The following C16orf74 variants were observed in gnomAD, a reference collection of about 807,000 sequenced individuals.
C16orf74 encodes uncharacterized protein C16orf74.
A neutral mutation model predicts 6.5 loss-of-function variants in C16orf74; 10 were observed. The observed-to-expected ratio is 1.54, with a 90% CI of 0.95 to 2.61. The LOEUF (loss-of-function observed/expected upper bound fraction) is 2.61. Among genes scored for constraint, C16orf74 ranks in the 30% most tolerant of loss-of-function variants. The probability of loss-of-function intolerance (pLI) is 0.00; values close to 1 mark genes in which losing one functional copy is unlikely to be tolerated. For missense variants in C16orf74, 141 were observed against 105.9 expected, an observed-to-expected ratio of 1.33 and a Z score of -1.45; for synonymous variants, 60 against 42.5, an observed-to-expected ratio of 1.41 and a Z score of -1.60.
intron 2 of C16orf74, among the ~76,000 whole-genome samples, chr16:85,731,904 T>C (rs1268406434): frequency 6.6e-6 from 1 of 152,150 alleles, no homozygotes; most frequent in African/African-American, 2.4e-5. Context: ...TTGCCCAGAC[T>C]GGTCTTGAAC....
At chr16:85,736,827 G>A (rs1224027273) in intron 1 of C16orf74, among the ~76,000 whole-genome samples, 1 of 152,102 alleles carries the variant, frequency 6.6e-6, no homozygotes, top group African/African-American at 2.4e-5. Context: ...GCCGAGGTGC[G>A]TGGATCAGGA....
At chr16:85,722,025 A>C (rs1255179064) in intron 2 of C16orf74, among the ~76,000 whole-genome samples, 3 of 100,984 alleles carry the variant, frequency 3.0e-5, no homozygotes, top group East Asian at 3.1e-4. Flanking sequence ...TGGTCTTGCT[A>C]TGTTGCCAGG....
intron 1 of C16orf74, among the ~76,000 whole-genome samples, chr16:85,750,539 C>T (rs1427353323): frequency 6.6e-6 from 1 of 152,244 alleles, no homozygotes; most frequent in East Asian, 1.9e-4. Context: ...CTCGGGAGGC[C>T]TCCTGCCCCC....
chr16:85,740,387 T>G (rs1364748788), intron 1 of C16orf74, among the ~76,000 whole-genome samples: 1 of 150,678 alleles, frequency 6.6e-6, no homozygotes, highest in African/African-American at 2.4e-5. Context: ...AAACCCCATC[T>G]CTCTACTAAA....
At chr16:85,745,278 C>A (rs1026181480) in intron 1 of C16orf74, among the ~76,000 whole-genome samples, 2 of 151,578 alleles carry the variant, frequency 1.3e-5, no homozygotes, top group African/African-American at 4.9e-5. Context: ...TGAGGGGTGG[C>A]AAGACAGACA....
At chr16:85,717,503 AG>A (rs2054036827) in intron 2 of C16orf74, among the ~76,000 whole-genome samples, 1 of 152,192 alleles carries the variant, frequency 6.6e-6, no homozygotes, top group Non-Finnish European at 1.5e-5. Context: ...CCAGCCTTGC[AG>A]GAAGTGCCAG....
intron 1 of C16orf74, among the ~76,000 whole-genome samples, chr16:85,744,822 T>TC (rs1207736536): frequency 8.3e-5 from 6 of 72,148 alleles, no homozygotes; most frequent in Admixed American, 6.8e-4. Context: ...AGAGCAAGAC[T>TC]CCATCTCAAA....
intron 2 of C16orf74, among the ~76,000 whole-genome samples, chr16:85,718,543 G>T (rs2054047779): frequency 6.6e-6 from 1 of 152,222 alleles, no homozygotes; most frequent in South Asian, 2.1e-4. Flanking sequence ...CACCTGGGCA[G>T]TGGCTCCCCC....
intron 2 of C16orf74, among the ~76,000 whole-genome samples, chr16:85,723,456 ACTT>A (rs2054102815): frequency 6.6e-6 from 1 of 152,126 alleles, no homozygotes; most frequent in African/African-American, 2.4e-5. Context: ...GGAAGCATGA[ACTT>A]CTCCTGAGGT....
At chr16:85,732,856 C>G (rs1487909559) in intron 2 of C16orf74, among the ~76,000 whole-genome samples, 1 of 152,086 alleles carries the variant, frequency 6.6e-6, no homozygotes, top group Non-Finnish European at 1.5e-5. Context: ...AGGCGCTGTT[C>G]CAGCACTTAG....
intron 2 of C16orf74, among the ~76,000 whole-genome samples, chr16:85,732,979 G>A (rs1254927548): frequency 6.6e-6 from 1 of 152,220 alleles, no homozygotes; most frequent in Non-Finnish European, 1.5e-5. Flanking sequence ...GAGGGTGGGT[G>A]GAGGTGGGAG....
At chr16:85,710,046 A>C (rs2053952670) in intron 3 of C16orf74, 118 bp downstream of exon 3, 2 of 835,404 alleles carry the variant, frequency 2.4e-6, no homozygotes, top group Non-Finnish European at 3.4e-6. Context: ...TGTTTAACGA[A>C]CCCAGTGGGA....
At chr16:85,747,689 C>G (rs1418175133) in intron 1 of C16orf74, among the ~76,000 whole-genome samples, 1 of 152,088 alleles carries the variant, frequency 6.6e-6, no homozygotes, top group East Asian at 1.9e-4. Context: ...TGTGAGTGAC[C>G]AATGGCCTCA....
At chr16:85,740,734 G>A (rs11647718) in intron 1 of C16orf74, among the ~76,000 whole-genome samples, 10,293 of 143,064 alleles carry the variant, frequency 0.072, 529 homozygotes, top group Non-Finnish European at 0.11. Flanking sequence ...CTTGGTGGCG[G>A]GCATCTGTAA....
intron 1 of C16orf74, among the ~76,000 whole-genome samples, chr16:85,742,979 A>G (rs1276032778): frequency 6.6e-6 from 1 of 152,102 alleles, no homozygotes; most frequent in Non-Finnish European, 1.5e-5. Context: ...TACCATCATC[A>G]TCCTCATCAT....
At chr16:85,709,309 G>A (rs891791486) in intron 3 of C16orf74, among the ~76,000 whole-genome samples, 4 of 152,104 alleles carry the variant, frequency 2.6e-5, no homozygotes, top group African/African-American at 9.7e-5. Context: ...AGCTGAGAGT[G>A]CACCACAGCA....
At position 85,707,625 on chromosome 16, in the gene C16orf74, CAAG is replaced by C; in HGVS notation, c.*380_*382del. ...TTATAAAAAACAGCCACTCCACCTGCAAGAAGTTCTTGTTGGTGCTTATGGCAG... is the reference window on the plus strand; with the variant it reads ...TTATAAAAAACAGCCACTCCACCTGCAAGTTCTTGTTGGTGCTTATGGCAG... On this transcript the variant is annotated 3_prime_UTR_variant, in exon 4 of 4. Coordinates refer to ENST00000284245, the MANE Select transcript of C16orf74 (RefSeq NM_206967.3). The C allele has an allele frequency of 1.4e-5, 3 of 216,664 alleles. No homozygotes were observed. The highest frequency in any genetic ancestry group is 2.7e-5 in the Non-Finnish European group (3 of 110,456). 13.4% of individuals were successfully genotyped at this position (216,664 alleles called of 1,614,324 possible).
At chr16:85,729,221 G>A (rs1011914859) in intron 2 of C16orf74, among the ~76,000 whole-genome samples, 2 of 152,232 alleles carry the variant, frequency 1.3e-5, no homozygotes, top group Admixed American at 6.5e-5. Flanking sequence ...CTCCCTGTCT[G>A]TAGAGTTCAG....
chr16:85,734,969 C>G (rs1442863510), intron 2 of C16orf74, among the ~76,000 whole-genome samples: 1 of 152,216 alleles, frequency 6.6e-6, no homozygotes, highest in African/African-American at 2.4e-5. Flanking sequence ...AAGGCACTGC[C>G]ACCTTCCCAG....
Sources: allele counts gnomAD v4.1 joint callset (sites outside exome capture counted in the v4.1 genomes callset), GRCh38; gene constraint gnomAD v4.1.1; transcripts MANE v1.5; gene names NCBI Gene and HGNC (gene_info 2026-07-23, HGNC 2026-07-21).